CNKSR2: variants seen among roughly 807,000 people sequenced by gnomAD.
The protein encoded by CNKSR2 is connector enhancer of kinase suppressor of Ras 2, also known as CNK homolog protein 2.
A neutral mutation model predicts 84.4 loss-of-function variants in CNKSR2; 14 were observed. That is an observed-to-expected ratio of 0.17 (90% CI 0.11 to 0.26). CNKSR2 has a LOEUF of 0.26. CNKSR2 is among the 10% of genes least tolerant of loss of function. The probability of loss-of-function intolerance (pLI) is 1.00; values close to 1 mark genes in which losing one functional copy is unlikely to be tolerated. For missense variants in CNKSR2, 485 were observed against 771.2 expected, an observed-to-expected ratio of 0.63 and a Z score of 4.40; for synonymous variants, 275 against 277.9, an observed-to-expected ratio of 0.99 and a Z score of 0.10.
At chrX:21,644,325 G>A (rs1028411759) in intron 20 of CNKSR2, 2 of 111,806 alleles carry the variant, frequency 1.8e-5, no homozygotes, top group Non-Finnish European at 1.9e-5. Flanking sequence ...GATCCCTTCC[G>A]AAATATGTAC....
At chrX:21,539,399 A>C (rs193206081) in intron 11 of CNKSR2, among the ~76,000 whole-genome samples, 13 of 111,594 alleles carry the variant, frequency 1.2e-4, no homozygotes, top group Admixed American at 9.5e-4. Flanking sequence ...CATTCAGATC[A>C]TGAATTGTGT....
chrX:21,606,820 T>A lies in CNKSR2; in HGVS notation c.2086T>A (p.Ser696Thr), dbSNP rs767348236. 1 of 1,205,114 alleles carries A rather than the reference T, an allele frequency of 8.3e-7. No homozygotes were observed. Among genetic ancestry groups the A allele is most frequent in the East Asian group, 3.0e-5 (1 of 33,656 alleles). Reference protein sequence around the residue: ...ESDKEEADTPSTPKQDSPPPP... With the variant: ...ESDKEEADTPTTPKQDSPPPP... ...TGACAAGGAAGAAGCAGATACTCCA[T>A]CAACACCAAAACAAGATAGCCCTCC... Residue 696 changes from serine to threonine, a missense_variant, in exon 19 of 22, where the codon TCA (serine) becomes ACA (threonine). Transcript: ENST00000379510.
intron 16 of CNKSR2, 62 bp from the exon 17 acceptor site, chrX:21,595,262 G>C: frequency 1.1e-6 from 1 of 905,782 alleles, no homozygotes; most frequent in South Asian, 2.1e-5. Flanking sequence ...TTGCCCGTCA[G>C]AATTATTTGG....
chrX:21,412,471 T>C (rs1334251951), intron 1 of CNKSR2, among the ~76,000 whole-genome samples: 1 of 112,315 alleles, frequency 8.9e-6, no homozygotes, highest in African/African-American at 3.2e-5. Context: ...ATTGCTTAGA[T>C]ATTAAATGGA....
intron 1 of CNKSR2, among the ~76,000 whole-genome samples, chrX:21,401,986 AC>A (rs1389522406): frequency 9.0e-6 from 1 of 111,371 alleles, no homozygotes; most frequent in Non-Finnish European, 1.9e-5. Context: ...AAAACTCAGA[AC>A]CCAGGGTCCT....
chrX:21,396,821 G>A (rs113793645), intron 1 of CNKSR2, among the ~76,000 whole-genome samples: 43 of 111,298 alleles, frequency 3.9e-4, no homozygotes, highest in African/African-American at 1.3e-3. Context: ...AATTAGTATG[G>A]CAAATAACTC....
intron 1 of CNKSR2, among the ~76,000 whole-genome samples, chrX:21,408,088 G>A (rs911103786): frequency 9.9e-5 from 11 of 111,475 alleles, no homozygotes; most frequent in African/African-American, 3.6e-4. Context: ...ATCCAACTAT[G>A]CATTTTAAAT....
At position 21,586,446 on chromosome X, in the gene CNKSR2, G is replaced by A. The variant is rs759514107; in HGVS notation, c.1609-4126G>A. Among the ~76,000 whole-genome samples, 19 of 111,633 alleles carry A rather than the reference G, an allele frequency of 1.7e-4. No homozygotes were observed. The South Asian group carries it at 6.4e-3, about 37-fold the overall frequency. ...ACCCATTGCCACCACTAAAACGCCT[G>A]GTTAGTGTCCCAAGGAATGGAGGCA... On this transcript the variant is annotated intron_variant, in intron 13 of 21. Coordinates refer to ENST00000379510, the MANE Select transcript of CNKSR2 (RefSeq NM_014927.5).
At chrX:21,535,665 A>G (rs1185477824) in intron 11 of CNKSR2, among the ~76,000 whole-genome samples, 2 of 109,565 alleles carry the variant, frequency 1.8e-5, no homozygotes, top group African/African-American at 6.6e-5. Flanking sequence ...TTTTTTTCAG[A>G]TAGTTTGTTA....
At chrX:21,570,003 CAG>C (rs768406851) in intron 13 of CNKSR2, among the ~76,000 whole-genome samples, 23 of 111,995 alleles carry the variant, frequency 2.1e-4, no homozygotes, top group Non-Finnish European at 4.0e-4. Context: ...AAAGTACAGG[CAG>C]AGTTAATTTA....
At chrX:21,603,938 AT>A (rs1172922814) in intron 18 of CNKSR2, among the ~76,000 whole-genome samples, 1 of 111,481 alleles carries the variant, frequency 9.0e-6, no homozygotes, top group Non-Finnish European at 1.9e-5. Flanking sequence ...CTTTTTCATG[AT>A]TGCTTATAAA....
intron 11 of CNKSR2, among the ~76,000 whole-genome samples, chrX:21,545,557 G>A (rs1275582763): frequency 2.7e-5 from 3 of 112,074 alleles, no homozygotes; most frequent in South Asian, 3.7e-4. Context: ...CCAGCACAGC[G>A]CTCGAGCTCA....
rs751180454 is a variant in CNKSR2, at chrX:21,531,754, A to C, written c.1092-102A>C. 1.9e-4 allele frequency: 90 copies of C among 486,126 alleles called. 1 individual carries two copies. The South Asian group carries it at 3.6e-3, about 20-fold the overall frequency. The allele number at this position is 486,126 out of a possible 1,213,427, so 40.1% of individuals were successfully genotyped here. A position where few individuals can be genotyped will look rare whatever the true frequency, so the allele number is the denominator to read the frequency against. On this transcript the variant is annotated intron_variant, in intron 10 of 21. Transcript: ENST00000379510. ...TCAAAGAAAGTTTGAAAAGGTCAGG[A>C]GATATATTGTATGGGAGTAAATTAT... is the stretch of plus-strand genomic sequence containing the variant.
At chrX:21,465,918 T>C (rs1157669551) in intron 4 of CNKSR2, among the ~76,000 whole-genome samples, 2 of 111,546 alleles carry the variant, frequency 1.8e-5, no homozygotes, top group African/African-American at 6.5e-5. Context: ...ACAGAAAGGA[T>C]AACATTATGA....
intron 1 of CNKSR2, among the ~76,000 whole-genome samples, chrX:21,392,441 A>G (rs1204828753): frequency 8.9e-6 from 1 of 112,101 alleles, no homozygotes; most frequent in Non-Finnish European, 1.9e-5. Flanking sequence ...ACTTTCAATC[A>G]TGGCAGAAGG....
chrX:21,592,165 T>TA (rs2092424881), intron 15 of CNKSR2: 1 of 112,143 alleles, frequency 8.9e-6, no homozygotes, highest in South Asian at 3.7e-4. Context: ...TCAGAAATCA[T>TA]ACCACCTGAG....
intron 13 of CNKSR2, among the ~76,000 whole-genome samples, chrX:21,582,816 A>G (rs2092361606): frequency 9.0e-6 from 1 of 111,234 alleles, no homozygotes; most frequent in Non-Finnish European, 1.9e-5. Context: ...CTTCCTGAAT[A>G]TTTTCCAAGT....
At chrX:21,488,483 G>T (rs183195367) in intron 5 of CNKSR2, among the ~76,000 whole-genome samples, 41 of 111,778 alleles carry the variant, frequency 3.7e-4, no homozygotes, top group African/African-American at 1.2e-3. Context: ...ACTGTCTTCA[G>T]ATCAAGCCCA....
intron 11 of CNKSR2, among the ~76,000 whole-genome samples, chrX:21,533,111 T>G (rs1306047269): frequency 9.0e-6 from 1 of 111,167 alleles, no homozygotes; most frequent in Non-Finnish European, 1.9e-5. Context: ...TATCTTACCT[T>G]GTGTTATTCT....
Sources: allele counts gnomAD v4.1 joint callset (sites outside exome capture counted in the v4.1 genomes callset), GRCh38; gene constraint gnomAD v4.1.1; transcripts MANE v1.5; gene names NCBI Gene and HGNC (gene_info 2026-07-23, HGNC 2026-07-21).